GDA: variants seen among roughly 807,000 people sequenced by gnomAD.
GDA encodes guanine deaminase.
GDA carries 18 observed loss-of-function variants against 59.6 expected under a neutral mutation model. The ratio of observed to expected loss-of-function variants is 0.30; its 90% confidence interval spans 0.21 to 0.45. GDA has a LOEUF of 0.45. Ranked by LOEUF, GDA falls within the 20% of genes least tolerant of loss-of-function variation. GDA has a pLI of 1.00. For missense variants in GDA, 427 were observed against 552.3 expected (o/e 0.77, Z 2.27); for synonymous variants, 201 against 201.1 (o/e 1.00, Z 0.00).
chr9:72,166,553 A>G (rs1229812352), intron 1 of GDA, among the ~76,000 whole-genome samples: 1 of 152,152 alleles, frequency 6.6e-6, no homozygotes, highest in Non-Finnish European at 1.5e-5. Context: ...ACATAGAAAT[A>G]ATAAATACTC....
At chr9:72,171,576 C>A (rs1356354741) in intron 1 of GDA, among the ~76,000 whole-genome samples, 1 of 150,840 alleles carries the variant, frequency 6.6e-6, no homozygotes, top group African/African-American at 2.4e-5. Context: ...TTTTTTTTTT[C>A]CTGTTCAGAG....
chr9:72,254,757 A>G (rs1292840637), downstream of GDA, among the ~76,000 whole-genome samples: 5 of 152,194 alleles, frequency 3.3e-5, no homozygotes, highest in Non-Finnish European at 1.5e-5. Flanking sequence ...AATAAAACCC[A>G]TAAGTGGATA....
chr9:72,130,340 G>A (rs1825983690), intron 1 of GDA, among the ~76,000 whole-genome samples: 1 of 152,198 alleles, frequency 6.6e-6, no homozygotes, highest in Admixed American at 6.6e-5. Context: ...GATACTACCA[G>A]GAGGTGTAAG....
chr9:72,127,365 G>A (rs1004314501), intron 1 of GDA, among the ~76,000 whole-genome samples: 2 of 152,022 alleles, frequency 1.3e-5, no homozygotes, highest in African/African-American at 4.8e-5. Context: ...TGGGCTGGGC[G>A]CGGTGGCTCA....
At chr9:72,173,467 A>G (rs1032260124) in intron 1 of GDA, among the ~76,000 whole-genome samples, 1 of 151,920 alleles carries the variant, frequency 6.6e-6, no homozygotes, top group Admixed American at 6.6e-5. Flanking sequence ...AGTAGCTGGG[A>G]ATACAGGCGT....
chr9:72,206,562 C>A (rs1834734603), intron 3 of GDA, among the ~76,000 whole-genome samples: 1 of 152,064 alleles, frequency 6.6e-6, no homozygotes. Flanking sequence ...CACCTGAGGT[C>A]AGGAGTTCAA....
chr9:72,216,892 C>G (rs979428743), intron 5 of GDA, among the ~76,000 whole-genome samples: 5 of 152,044 alleles, frequency 3.3e-5, no homozygotes, highest in African/African-American at 1.2e-4. Context: ...AGCCAGGATG[C>G]TCTCGATCTC....
intron 1 of GDA, among the ~76,000 whole-genome samples, chr9:72,189,295 C>G (rs1300783183): frequency 1.3e-5 from 2 of 150,420 alleles, no homozygotes; most frequent in Non-Finnish European, 3.0e-5. Context: ...ATCCTCCCAC[C>G]TTAGCCTCCT....
chr9:72,190,368 C>G (rs777070266), intron 1 of GDA, among the ~76,000 whole-genome samples: 1 of 152,214 alleles, frequency 6.6e-6, no homozygotes. Flanking sequence ...CTCAAGCAAT[C>G]TGCTCGCCTT....
At chr9:72,229,338 A>G (rs573316878) in intron 9 of GDA, among the ~76,000 whole-genome samples, 1 of 152,028 alleles carries the variant, frequency 6.6e-6, no homozygotes, top group Admixed American at 6.6e-5. Flanking sequence ...GCGACAGAGC[A>G]AGACTCCATC....
chr9:72,218,048 G>A (rs1431566019), intron 5 of GDA, among the ~76,000 whole-genome samples: 9 of 151,834 alleles, frequency 5.9e-5, no homozygotes, highest in Admixed American at 2.6e-4. Context: ...CTAGTAGCTC[G>A]GATTACAGGC....
At chr9:72,160,808 C>G (rs1486556872) in intron 1 of GDA, among the ~76,000 whole-genome samples, 1 of 152,200 alleles carries the variant, frequency 6.6e-6, no homozygotes, top group Non-Finnish European at 1.5e-5. Context: ...CCCAACCTTC[C>G]ACGTTGTTAA....
At chr9:72,218,192 G>C (rs1836394255) in intron 5 of GDA, among the ~76,000 whole-genome samples, 1 of 152,186 alleles carries the variant, frequency 6.6e-6, no homozygotes. Context: ...GAGATTACAG[G>C]CGTGAGCCAC....
At chr9:72,247,305 C>T (rs11143198) in intron 12 of GDA, 101 bp from the exon 13 acceptor site, 111,934 of 798,184 alleles carry the variant, frequency 0.14, 8,973 homozygotes, top group African/African-American at 0.23. Context: ...CATTGAGAAA[C>T]AAATTCGTAT....
rs368687201 is a variant in GDA, at chr9:72,250,825, G to A, written c.*2483G>A. ...CTTAATGTTCCATGGTATTTTCAACGGAATACACTTTGAAAGGTAAAAACA... is the reference window on the plus strand; with the variant it reads ...CTTAATGTTCCATGGTATTTTCAACAGAATACACTTTGAAAGGTAAAAACA... On this transcript the variant is annotated 3_prime_UTR_variant, in exon 14 of 14. Transcript: ENST00000358399. 6.6e-5 allele frequency: 106 copies of A among 1,609,600 alleles called. No individual in the cohort carries two copies. Among genetic ancestry groups the A allele is most frequent in the African/African-American group, 8.0e-5 (6 of 74,902 alleles).
chr9:72,146,154 G>A (rs756269905), upstream of GDA, among the ~76,000 whole-genome samples: 86 of 148,960 alleles, frequency 5.8e-4, no homozygotes, highest in Non-Finnish European at 1.1e-3. Context: ...GGGGTTGGGG[G>A]AGTGGGTGGG....
chr9:72,133,311 T>A (rs7043810), intron 1 of GDA, among the ~76,000 whole-genome samples: 3,965 of 84,822 alleles, frequency 0.047, 185 homozygotes, highest in African/African-American at 0.14. Flanking sequence ...AAAAAAAAAA[T>A]AATAATAATA....
rs563485311 is a variant in GDA, at chr9:72,132,084, C to T, written c.-100+17251C>T. Among the ~76,000 whole-genome samples, 98 of 152,228 alleles carry T rather than the reference C, an allele frequency of 6.4e-4. No individual in the cohort carries two copies. In the South Asian group the frequency reaches 0.019, roughly 30 times the overall value. On this transcript the variant is annotated intron_variant, in intron 1 of 13. Transcript: ENST00000545168. ...TATCATGAGAACAGTGCAGGAAATA[C>T]CTGCCCCTATAATTTAATCACCTCC...
At position 72,164,119 on chromosome 9, in the gene GDA, A is replaced by T. The variant is rs2130873853; in HGVS notation, c.123+14437A>T. On this transcript the variant is annotated intron_variant, in intron 1 of 13. Coordinates refer to ENST00000358399, the MANE Select transcript of GDA (RefSeq NM_004293.5). Reference sequence around the variant, plus strand: ...ACATCTACATGGAGATTTGAAGCAGATGTTGACTTGCTGGTCTGGAGCTCA... The same window carrying T: ...ACATCTACATGGAGATTTGAAGCAGTTGTTGACTTGCTGGTCTGGAGCTCA... 1.3e-5 allele frequency among the ~76,000 whole-genome samples: 2 copies of T among 152,312 alleles called. 1 individual carries two copies. The highest frequency in any genetic ancestry group is 4.1e-4 in the South Asian group (2 of 4,828).
Sources: allele counts gnomAD v4.1 joint callset (sites outside exome capture counted in the v4.1 genomes callset), GRCh38; gene constraint gnomAD v4.1.1; transcripts MANE v1.5; gene names NCBI Gene and HGNC (gene_info 2026-07-23, HGNC 2026-07-21).